The following LRP1B variants were observed in gnomAD, a reference collection of about 807,000 sequenced individuals.
LRP1B encodes the protein LDL receptor related protein 1B, also known as low-density lipoprotein receptor-related protein 1B.
LRP1B carries 217 observed loss-of-function variants against 556.6 expected under a neutral mutation model. The observed-to-expected ratio is 0.39, with a 90% CI of 0.35 to 0.44. The LOEUF (loss-of-function observed/expected upper bound fraction) is 0.44. Among genes scored for constraint, LRP1B ranks in the 20% least tolerant of loss-of-function variants. The pLI is 1.00. For missense variants in LRP1B, 5,053 were observed against 5,620.8 expected (o/e 0.90, Z 3.23); for synonymous variants, 2,047 against 1,865.8 (o/e 1.10, Z -2.50).
At chr2:140,379,568 G>A (rs1043098388) in intron 67 of LRP1B, among the ~76,000 whole-genome samples, 4 of 152,074 alleles carry the variant, frequency 2.6e-5, no homozygotes, top group Non-Finnish European at 5.9e-5. Context: ...GGTGGCAGGC[G>A]CCTGTAATCC....
chr2:140,285,057 C>G (rs1683082465), intron 84 of LRP1B, among the ~76,000 whole-genome samples: 1 of 146,112 alleles, frequency 6.8e-6, no homozygotes, highest in South Asian at 2.2e-4. Context: ...TATCTATATA[C>G]CTATCTATAT....
chr2:141,734,949 A>G (rs1451187448), intron 2 of LRP1B, among the ~76,000 whole-genome samples: 1 of 152,144 alleles, frequency 6.6e-6, no homozygotes, highest in Non-Finnish European at 1.5e-5. Flanking sequence ...TTGTTTTTGT[A>G]AAATTGAATT....
At chr2:140,323,746 A>C (rs187710825) in intron 81 of LRP1B, 147 bp downstream of exon 81, 1 of 400,256 alleles carries the variant, frequency 2.5e-6, no homozygotes, top group African/African-American at 2.1e-5. Flanking sequence ...GGTAAGTTGA[A>C]AAAGTCTAGT....
At chr2:141,340,569 A>G (rs1688020888) in intron 3 of LRP1B, among the ~76,000 whole-genome samples, 1 of 152,230 alleles carries the variant, frequency 6.6e-6, no homozygotes, top group South Asian at 2.1e-4. Context: ...ACATACCATT[A>G]CAAATGTTCT....
intron 3 of LRP1B, among the ~76,000 whole-genome samples, chr2:141,291,877 A>AAAAC (rs1386592904): frequency 1.2e-5 from 1 of 80,494 alleles, no homozygotes; most frequent in African/African-American, 3.4e-5. Flanking sequence ...AAAAAAAAAA[A>AAAAC]AAAAAAAAAA....
At position 140,935,928 on chromosome 2, in the gene LRP1B, G is replaced by A. The variant is rs1439394431; in HGVS notation, c.3137-12781C>T. Among the ~76,000 whole-genome samples the A allele has an allele frequency of 2.6e-5, 4 of 151,370 alleles. No individual in the cohort carries two copies. The East Asian group carries it at 7.8e-4, about 30-fold the overall frequency. On this transcript the variant is annotated intron_variant, in intron 20 of 90. Transcript: ENST00000389484. Reference sequence around the variant, plus strand: ...TGTATATATATGTGTGATATGTTAAGTGTATATATACACACACACATATAC... The same window carrying A: ...TGTATATATATGTGTGATATGTTAAATGTATATATACACACACACATATAC...
In LRP1B at chr2:141,826,783, GAATTT is replaced by G. The variant is rs1320911495; in HGVS notation, c.83-16387_83-16383del. On this transcript the variant is annotated intron_variant, in intron 1 of 90. Transcript: ENST00000389484. ...TGAGTAAAAGTGAGATTTTTCAAAAGAATTTATTTATAGAATGTTTATGCACTTAG... is the reference window on the plus strand; with the variant it reads ...TGAGTAAAAGTGAGATTTTTCAAAAGATTTATAGAATGTTTATGCACTTAG... 8.5e-5 allele frequency among the ~76,000 whole-genome samples: 13 copies of G among 152,144 alleles called. 1 individual carries two copies. Among genetic ancestry groups the G allele is most frequent in the Admixed American group, 8.5e-4 (13 of 15,276 alleles).
chr2:142,038,326 T>C (rs1434797811), intron 1 of LRP1B, among the ~76,000 whole-genome samples: 1 of 151,576 alleles, frequency 6.6e-6, no homozygotes, highest in African/African-American at 2.4e-5. Context: ...AATAATTCTG[T>C]ATGAATTAGG....
intron 7 of LRP1B, among the ~76,000 whole-genome samples, chr2:141,093,972 C>T (rs1574066784): frequency 2.0e-5 from 3 of 152,254 alleles, no homozygotes; most frequent in Admixed American, 2.0e-4. Flanking sequence ...CCGCCTTAGC[C>T]TCCCAAAATG....
intron 41 of LRP1B, among the ~76,000 whole-genome samples, chr2:140,677,015 C>T (rs555927288): frequency 4.4e-4 from 67 of 152,190 alleles, no homozygotes; most frequent in African/African-American, 1.6e-3. Context: ...AAATAGAAAA[C>T]AGTCATACAA....
At chr2:140,473,615 T>G (rs1228620076) in intron 60 of LRP1B, among the ~76,000 whole-genome samples, 2 of 151,874 alleles carry the variant, frequency 1.3e-5, no homozygotes, top group Non-Finnish European at 2.9e-5. Context: ...TTTTAACAAT[T>G]TTAGCTATTC....
At chr2:140,541,474 T>C (rs1175854432) in intron 44 of LRP1B, among the ~76,000 whole-genome samples, 3 of 152,210 alleles carry the variant, frequency 2.0e-5, no homozygotes, top group African/African-American at 4.8e-5. Flanking sequence ...TCTGAAGTTA[T>C]GAAGAGTGAG....
chr2:141,810,405 A>G lies in LRP1B; in HGVS notation c.83-4T>C, dbSNP rs1191313095. The G allele has an allele frequency of 6.2e-7, 1 of 1,612,406 alleles. No homozygotes were observed. Among genetic ancestry groups the G allele is most frequent in the Non-Finnish European group, 8.5e-7 (1 of 1,179,000 alleles). On this transcript the variant is annotated splice_polypyrimidine_tract_variant and splice_region_variant and intron_variant, in intron 1 of 90. Coordinates refer to ENST00000389484, the MANE Select transcript of LRP1B (RefSeq NM_018557.3). ...CCAGGATCACACAACTGCTGATCTGAAAATGAAAATGTTTCGAAATAAAAT... is the reference window on the plus strand; with the variant it reads ...CCAGGATCACACAACTGCTGATCTGGAAATGAAAATGTTTCGAAATAAAAT...
At chr2:140,331,777 T>C (rs6740000) in intron 79 of LRP1B, among the ~76,000 whole-genome samples, 14,045 of 151,364 alleles carry the variant, frequency 0.093, 758 homozygotes, top group African/African-American at 0.14. Flanking sequence ...CTCACTACAA[T>C]TTCCGCCTCC....
intron 5 of LRP1B, among the ~76,000 whole-genome samples, chr2:141,230,770 C>T (rs1390949281): frequency 1.3e-5 from 2 of 152,150 alleles, no homozygotes; most frequent in Non-Finnish European, 2.9e-5. Context: ...TACTTGCTCA[C>T]CTCTTTTAGG....
chr2:141,349,301 C>A (rs1357923949), intron 3 of LRP1B, among the ~76,000 whole-genome samples: 2 of 152,028 alleles, frequency 1.3e-5, no homozygotes, highest in Non-Finnish European at 2.9e-5. Context: ...CACACACACA[C>A]CCTATGCCAG....
chr2:141,469,824 C>G (rs144317953), intron 3 of LRP1B, among the ~76,000 whole-genome samples: 28 of 152,140 alleles, frequency 1.8e-4, no homozygotes, highest in African/African-American at 6.5e-4. Flanking sequence ...CAGGGTTTGA[C>G]GGGCTGAGGT....
intron 2 of LRP1B, among the ~76,000 whole-genome samples, chr2:141,670,611 T>G (rs1690629918): frequency 6.6e-6 from 1 of 152,192 alleles, no homozygotes; most frequent in Non-Finnish European, 1.5e-5. Flanking sequence ...TGGTATGAAT[T>G]TCACATTTTG....
intron 11 of LRP1B, among the ~76,000 whole-genome samples, chr2:141,033,068 G>A (rs1023374177): frequency 2.6e-5 from 4 of 151,810 alleles, no homozygotes; most frequent in African/African-American, 9.7e-5. Context: ...CATTTGGAGT[G>A]AGCCTTGAAG....
Sources: gnomAD v4.1 joint callset for allele counts (sites outside exome capture counted in the v4.1 genomes callset) on GRCh38, gnomAD v4.1.1 for gene constraint, MANE v1.5 for transcripts, NCBI Gene and HGNC (gene_info 2026-07-23, HGNC 2026-07-21) for gene names.